The following HNRNPAB variants were observed in gnomAD, a reference collection of about 807,000 sequenced individuals.
HNRNPAB encodes heterogeneous nuclear ribonucleoprotein A/B, also known as ABBP-1.
Under a neutral mutation model 44.1 loss-of-function variants are expected in HNRNPAB, and 17 were observed. That is an observed-to-expected ratio of 0.39 (90% CI 0.26 to 0.58). The LOEUF is 0.58. HNRNPAB is among the 20% of genes least tolerant of loss of function. The probability of loss-of-function intolerance (pLI) is 0.63; values close to 1 mark genes in which losing one functional copy is unlikely to be tolerated. For missense variants in HNRNPAB, 393 were observed against 432.7 expected, an observed-to-expected ratio of 0.91 and a Z score of 0.81; for synonymous variants, 183 against 167.6, an observed-to-expected ratio of 1.09 and a Z score of -0.71.
At chr5:178,205,809 CTT>C (rs765526608) in intron 2 of HNRNPAB, 31 bp from the exon 3 acceptor site, 1 of 1,599,434 alleles carries the variant, frequency 6.3e-7, no homozygotes, top group Non-Finnish European at 8.5e-7. Context: ...GCTTACAAGA[CTT>C]GTTGCCGTGT....
At position 178,207,237 on chromosome 5, in the gene HNRNPAB, C is replaced by T. The variant is rs766538367; in HGVS notation, c.669+12C>T. On this transcript the variant is annotated intron_variant, in intron 5 of 7. Transcript: ENST00000358344. ...TCAGTGGAAGCAAGGTAAGGTGTTC[C>T]CAGCTCTGCTTGGCCTCCTGTGCTG... 16 of 1,613,574 alleles carry T rather than the reference C, an allele frequency of 9.9e-6. No homozygotes were observed. The highest frequency in any genetic ancestry group is 1.3e-5 in the African/African-American group (1 of 75,022).
chr5:178,204,851 G>T lies in HNRNPAB; in HGVS notation c.14G>T (p.Gly5Val). The T allele has an allele frequency of 8.2e-7, 1 of 1,219,090 alleles. No homozygotes were observed. The highest frequency in any genetic ancestry group is 1.0e-6 in the Non-Finnish European group (1 of 980,166). The allele number at this position is 1,219,090 out of a possible 1,614,324, so 75.5% of individuals were successfully genotyped here. Residue 5 changes from glycine (G) to valine (V), a missense_variant, in exon 2 of 8, where the codon GGC (glycine) becomes GTC (valine). By Grantham distance (109) the Gly-to-Val change is moderately radical. This residue lies in a region of HNRNPAB where 81 missense variants were observed against 73.4 expected (regional missense o/e 1.10). Coordinates refer to ENST00000358344, the MANE Select transcript of HNRNPAB (RefSeq NM_031266.3). MSEA[G>V]EEQPMETTGA... is the part of the protein sequence containing the mutation. ...CCTCGGCCTAGCATGTCGGAAGCGG[G>T]CGAGGAGCAGCCCATGGAGACGACG... is the stretch of plus-strand genomic sequence containing the variant.
rs774619236 is a variant in HNRNPAB, at chr5:178,209,459, G to C, written c.787+12G>C. On this transcript the variant is annotated intron_variant, in intron 6 of 7. Coordinates refer to ENST00000358344, the MANE Select transcript of HNRNPAB (RefSeq NM_031266.3). ...TGGTGGAGGTGGAGGTGAGTGGAAC[G>C]TGGATGAAGATAGGTCCTGTTTCCC... 1 of 1,608,856 alleles carries C rather than the reference G, an allele frequency of 6.2e-7. No homozygotes were observed. The highest frequency in any genetic ancestry group is 1.3e-5 in the African/African-American group (1 of 74,834).
intron 2 of HNRNPAB, chr5:178,205,630 A>G: frequency 3.8e-6 from 2 of 526,180 alleles, no homozygotes; most frequent in East Asian, 3.0e-5. Flanking sequence ...TGCTTCTCAC[A>G]GGCTGGGGCT....
Position 178,210,880 on chromosome 5 carries a change from G to GGGA in HNRNPAB, c.*260_*262dup. On this transcript the variant is annotated 3_prime_UTR_variant, in exon 8 of 8. Coordinates refer to ENST00000358344, the MANE Select transcript of HNRNPAB (RefSeq NM_031266.3). ...ATTACCAGGTCCCCCAGAAGCAGGT[G>GGGA]GGAGGCTCTGCTTCCTGCTGCCGCT... 1 of 542,192 alleles carries GGGA rather than the reference G, an allele frequency of 1.8e-6. No homozygotes were observed. The highest frequency in any genetic ancestry group is 3.3e-5 in the Admixed American group (1 of 30,148). 33.6% of individuals were successfully genotyped at this position (542,192 alleles called of 1,614,324 possible).
intron 3 of HNRNPAB, 62 bp from the exon 4 acceptor site, chr5:178,206,670 G>T: frequency 6.5e-7 from 1 of 1,528,066 alleles, no homozygotes; most frequent in South Asian, 1.1e-5. Flanking sequence ...TTATGGCTTA[G>T]AGAGAAGGGC....
intron 3 of HNRNPAB, 72 bp from the exon 4 acceptor site, chr5:178,206,658 CTT>C: frequency 6.9e-7 from 1 of 1,457,880 alleles, no homozygotes; most frequent in South Asian, 1.2e-5. Context: ...GTACTGGTGT[CTT>C]TATGGCTTAG....
Position 178,210,591 on chromosome 5 carries a change from G to A in HNRNPAB, c.967G>A (p.Gly323Ser). The A allele has an allele frequency of 6.2e-7, 1 of 1,613,544 alleles. No homozygotes were observed. ...STNYGKSQRR[G>S]GHQNNYKPY is the part of the protein sequence containing the mutation. ...AAACTACGGCAAGAGCCAGCGACGT[G>A]GTGGCCATCAGAATAACTACAAGCC... The change falls in exon 8 of 8, where the codon GGT (glycine) becomes AGT (serine). Residue 323 changes from glycine to serine, a missense_variant. Physicochemically the swap from Gly to Ser is moderately conservative, Grantham distance 56. Transcript: ENST00000358344.
Position 178,205,832 on chromosome 5 carries a change from A to G in HNRNPAB, c.210-10A>G, listed in dbSNP as rs557145627. On this transcript the variant is annotated splice_polypyrimidine_tract_variant and intron_variant, in intron 2 of 7. Transcript: ENST00000358344. ...GACTTGTTGCCGTGTGTCTCACCCT[A>G]CCATTTCAGAAAAATGTTCGTTGGT... 13 of 1,612,028 alleles carry G rather than the reference A, an allele frequency of 8.1e-6. No homozygotes were observed. The East Asian group carries it at 2.2e-4, about 28-fold the overall frequency.
rs1414370032 is a variant in HNRNPAB, at chr5:178,206,821, C to A, written c.468C>A (p.Ile156=). 3 of 1,614,172 alleles carry A rather than the reference C, an allele frequency of 1.9e-6. No homozygotes were observed. In the East Asian group the frequency reaches 6.7e-5, roughly 36 times the overall value. ...MAMKKDPVKK[I]FVGGLNPEAT... Reference sequence around the variant, plus strand: ...TGAAGAAGGACCCGGTGAAGAAAATCTTCGTTGGGGGTCTGAATCCTGAAG... The same window carrying A: ...TGAAGAAGGACCCGGTGAAGAAAATATTCGTTGGGGGTCTGAATCCTGAAG... The change falls in exon 4 of 8, where the codon ATC becomes ATA. Residue 156 remains isoleucine (I), a synonymous_variant. Transcript: ENST00000358344.
rs1309834802 is a variant in HNRNPAB at position 178,205,835 on chromosome 5, A to G, written c.210-7A>G. ...TTGTTGCCGTGTGTCTCACCCTACCATTTCAGAAAAATGTTCGTTGGTGGC... is the reference window on the plus strand; with the variant it reads ...TTGTTGCCGTGTGTCTCACCCTACCGTTTCAGAAAAATGTTCGTTGGTGGC... On this transcript the variant is annotated splice_region_variant and splice_polypyrimidine_tract_variant and intron_variant, in intron 2 of 7. Transcript: ENST00000358344. The G allele has an allele frequency of 1.2e-6, 2 of 1,612,318 alleles. No homozygotes were observed. Among genetic ancestry groups the G allele is most frequent in the Non-Finnish European group, 1.7e-6 (2 of 1,178,972 alleles).
intron 3 of HNRNPAB, among the ~76,000 whole-genome samples, chr5:178,206,380 A>G (rs919587481): frequency 2.6e-5 from 4 of 152,208 alleles, no homozygotes; most frequent in Admixed American, 1.3e-4. Flanking sequence ...TGTAAGTAGA[A>G]GAGGTCACAG....
In HNRNPAB at chr5:178,204,727, T is replaced by C; in HGVS notation, c.-37T>C. 1 of 580,858 alleles carries C rather than the reference T, an allele frequency of 1.7e-6. No individual in the cohort carries two copies. The highest frequency in any genetic ancestry group is 4.3e-5 in the East Asian group (1 of 23,006). The allele number at this position is 580,858 out of a possible 1,614,324, so 36.0% of individuals were successfully genotyped here. On this transcript the variant is annotated 5_prime_UTR_variant, in exon 1 of 8. Transcript: ENST00000358344. Reference sequence around the variant, plus strand: ...GTGGGGACGAGCGGGCCCCGCGGCGTCATCGGCGGCGAGGTGAGCGGCGGC... The same window carrying C: ...GTGGGGACGAGCGGGCCCCGCGGCGCCATCGGCGGCGAGGTGAGCGGCGGC...
intron 2 of HNRNPAB, 161 bp from the exon 3 acceptor site, chr5:178,205,681 C>T (rs1437707748): frequency 1.5e-6 from 1 of 660,882 alleles, no homozygotes; most frequent in Non-Finnish European, 2.6e-6. Context: ...TGGTTGAGTT[C>T]AATTTGGAGG....
In HNRNPAB at chr5:178,207,144, T is replaced by G. The variant is rs765019759; in HGVS notation, c.588T>G (p.Gly196=). ...PMDPKLNKRR[G]FVFITFKEEE... Reference sequence around the variant, plus strand: ...ATCCAAAGTTGAACAAAAGACGAGGTTTTGTGTTTATCACCTTTAAAGAAG... The same window carrying G: ...ATCCAAAGTTGAACAAAAGACGAGGGTTTGTGTTTATCACCTTTAAAGAAG... Residue 196 remains glycine (G), a synonymous_variant, in exon 5 of 8, where the codon GGT becomes GGG. Coordinates refer to ENST00000358344, the MANE Select transcript of HNRNPAB (RefSeq NM_031266.3). 1.2e-5 allele frequency: 20 copies of G among 1,613,908 alleles called. No individual in the cohort carries two copies. The highest frequency in any genetic ancestry group is 1.7e-5 in the Non-Finnish European group (20 of 1,180,008).
chr5:178,205,163 C>T, intron 2 of HNRNPAB, 117 bp downstream of exon 2: 1 of 653,234 alleles, frequency 1.5e-6, no homozygotes. Flanking sequence ...TGGTGCGGCC[C>T]GCGGACTGTC....
At chr5:178,205,683 A>G (rs987984238) in intron 2 of HNRNPAB, 159 bp from the exon 3 acceptor site, 6 of 666,338 alleles carry the variant, frequency 9.0e-6, no homozygotes, top group African/African-American at 3.7e-5. Context: ...GTTGAGTTCA[A>G]TTTGGAGGGT....
rs964833215 is a variant in HNRNPAB at position 178,209,423 on chromosome 5, A to G, written c.763A>G (p.Ser255Gly). 1.9e-6 allele frequency: 3 copies of G among 1,614,060 alleles called. No homozygotes were observed. In the Admixed American group the frequency reaches 5.0e-5, roughly 27 times the overall value. The change falls in exon 6 of 8, where the codon AGC (serine) becomes GGC (glycine). Residue 255 changes from serine (S) to glycine (G), a missense_variant. This residue lies in a region of HNRNPAB where 210 missense variants were observed against 196.9 expected (regional missense o/e 1.07). Coordinates refer to ENST00000358344, the MANE Select transcript of HNRNPAB (RefSeq NM_031266.3). Reference sequence around the variant, plus strand: ...AAACCGCAACCGAGGGAACCGAGGCAGCGGAGGTGGTGGTGGAGGTGGAGG... The same window carrying G: ...AAACCGCAACCGAGGGAACCGAGGCGGCGGAGGTGGTGGTGGAGGTGGAGG... Reference protein sequence around the residue: ...RGNRNRGNRGSGGGGGGGGQS... With the variant: ...RGNRNRGNRGGGGGGGGGGQS...
At position 178,210,199 on chromosome 5, in the gene HNRNPAB, C is replaced by T; in HGVS notation, c.855C>T (p.Gly285=). The T allele has an allele frequency of 1.2e-6, 2 of 1,612,860 alleles. No individual in the cohort carries two copies. Among genetic ancestry groups the T allele is most frequent in the Admixed American group, 1.7e-5 (1 of 59,984 alleles). The change falls in exon 7 of 8, where the codon GGC becomes GGT. Residue 285 remains glycine (G), a synonymous_variant. Transcript: ENST00000358344. ...YWNQGYGYQQ[G]YGPGYGGYDY... is the part of the protein sequence containing the mutation. ...ACCAGGGCTACGGCTACCAGCAGGG[C>T]TACGGGCCTGGCTATGGCGGCTACG...
Sources: allele counts gnomAD v4.1 joint callset (sites outside exome capture counted in the v4.1 genomes callset), GRCh38; gene constraint gnomAD v4.1.1; regional missense constraint gnomAD v4.1.1; transcripts MANE v1.5; gene names NCBI Gene and HGNC (gene_info 2026-07-23, HGNC 2026-07-21).